Variants in C8orf34 observed in about 807,000 individuals in gnomAD.
The protein encoded by C8orf34 is chromosome 8 open reading frame 34.
C8orf34 carries 65 observed loss-of-function variants against 68.3 expected under a neutral mutation model. The ratio of observed to expected loss-of-function variants is 0.95; its 90% CI spans 0.78 to 1.17. The LOEUF (loss-of-function observed/expected upper bound fraction) is 1.17, where lower values mean the gene tolerates loss of function less well. C8orf34 is among the 50% of genes most tolerant of loss of function. The pLI is 0.00. For synonymous variants in C8orf34, 244 were observed against 241.2 expected (o/e 1.01, Z -0.11); for missense variants, 664 against 655.4 (o/e 1.01, Z -0.14).
chr8:68,447,743 AG>A, intron 3 of C8orf34: 1 of 152,362 alleles, frequency 6.6e-6, no homozygotes, highest in South Asian at 2.1e-4. Flanking sequence ...ACTCATAAAA[AG>A]TATTGCATTA....
chr8:68,397,998 G>A (rs1808791547), intron 1 of C8orf34, among the ~76,000 whole-genome samples: 1 of 151,980 alleles, frequency 6.6e-6, no homozygotes, highest in Non-Finnish European at 1.5e-5. Context: ...CGAACTCCTG[G>A]CCTTAAGAGA....
At chr8:68,486,842 T>G (rs890617970) in intron 4 of C8orf34, among the ~76,000 whole-genome samples, 12 of 152,196 alleles carry the variant, frequency 7.9e-5, no homozygotes, top group Non-Finnish European at 1.3e-4. Flanking sequence ...CTTCAATTCC[T>G]ATTCTTATTT....
intron 1 of C8orf34, among the ~76,000 whole-genome samples, chr8:68,347,431 G>A (rs942505909): frequency 3.3e-5 from 5 of 152,012 alleles, no homozygotes; most frequent in South Asian, 2.1e-4. Context: ...ACATTCTTGT[G>A]TATGTGTCTT....
Position 68,367,907 on chromosome 8 carries a change from G to GAAAAAAAAA in C8orf34, c.327+36572_327+36573insAAAAAAAAA, listed in dbSNP as rs1807360133. Among the ~76,000 whole-genome samples the GAAAAAAAAA allele has an allele frequency of 3.7e-3, 55 of 15,010 alleles. 1 individual carries two copies. Among genetic ancestry groups the GAAAAAAAAA allele is most frequent in the Middle Eastern group, 0.028 (1 of 36 alleles). The allele number at this position is 15,010 out of a possible 152,430, so 9.8% of individuals were successfully genotyped here. On this transcript the variant is annotated intron_variant, in intron 1 of 13. Coordinates refer to ENST00000518698, the MANE Select transcript of C8orf34 (RefSeq NM_052958.4). ...TAAAACCTAAAGTATAATAAAAAAA[G>GAAAAAAAAA]AAAAGAAAAAAAAAAAAAAAAAAAA...
chr8:68,651,798 T>C (rs1819367572), intron 8 of C8orf34, among the ~76,000 whole-genome samples: 1 of 152,122 alleles, frequency 6.6e-6, no homozygotes, highest in South Asian at 2.1e-4. Context: ...ACCTATTGGG[T>C]ACAATAGTCA....
At chr8:68,604,804 G>C (rs752421201) in intron 7 of C8orf34, among the ~76,000 whole-genome samples, 1 of 151,918 alleles carries the variant, frequency 6.6e-6, no homozygotes, top group Non-Finnish European at 1.5e-5. Context: ...TGGTGATAAC[G>C]TTTTGATACA....
intron 5 of C8orf34, among the ~76,000 whole-genome samples, chr8:68,490,461 G>T (rs754532247): frequency 6.6e-6 from 1 of 152,072 alleles, no homozygotes; most frequent in East Asian, 1.9e-4. Flanking sequence ...ACCCAGTTAA[G>T]TGTCAGCCTC....
At chr8:68,797,444 G>C (rs1315849963) in intron 12 of C8orf34, among the ~76,000 whole-genome samples, 1 of 152,074 alleles carries the variant, frequency 6.6e-6, no homozygotes, top group African/African-American at 2.4e-5. Context: ...GAGTGACACA[G>C]TTGATGCTAT....
At chr8:68,724,205 C>A (rs987098807) in intron 10 of C8orf34, among the ~76,000 whole-genome samples, 1 of 151,964 alleles carries the variant, frequency 6.6e-6, no homozygotes, top group African/African-American at 2.4e-5. Flanking sequence ...TGTAGTATTT[C>A]TTGGGATAGT....
At chr8:68,654,076 A>G (rs1232558071) in intron 8 of C8orf34, among the ~76,000 whole-genome samples, 19 of 152,144 alleles carry the variant, frequency 1.2e-4, no homozygotes. Context: ...ATTAATTTCT[A>G]ATAATTTTGA....
intron 5 of C8orf34, among the ~76,000 whole-genome samples, chr8:68,491,548 A>G (rs1319797316): frequency 6.6e-6 from 1 of 152,138 alleles, no homozygotes; most frequent in Non-Finnish European, 1.5e-5. Flanking sequence ...CTTTAAAACC[A>G]GCAACATCTC....
chr8:68,330,995 A>C lies in C8orf34; in HGVS notation c.-18A>C. 9 of 1,388,538 alleles carry C rather than the reference A, an allele frequency of 6.5e-6. No individual in the cohort carries two copies. The highest frequency in any genetic ancestry group is 8.3e-6 in the Non-Finnish European group (9 of 1,081,402). 86.0% of individuals were successfully genotyped at this position (1,388,538 alleles called of 1,614,324 possible). ...GCGGAGAGCGGCGAGGGTGGGCGCG[A>C]GGCGGAGAACGCGATGAATGAGTTC... On this transcript the variant is annotated 5_prime_UTR_variant, in exon 1 of 14. Transcript: ENST00000518698.
intron 7 of C8orf34, among the ~76,000 whole-genome samples, chr8:68,557,355 T>G (rs191281599): frequency 5.9e-5 from 9 of 152,310 alleles, no homozygotes; most frequent in African/African-American, 2.2e-4. Context: ...GGAAAACTGA[T>G]CCTAAACTTG....
chr8:68,473,637 G>T (rs1812474908), intron 4 of C8orf34, among the ~76,000 whole-genome samples: 1 of 152,082 alleles, frequency 6.6e-6, no homozygotes, highest in Non-Finnish European at 1.5e-5. Flanking sequence ...TTCATTAAAA[G>T]GAAAACCTTA....
chr8:68,697,821 A>T (rs930415133), intron 8 of C8orf34, among the ~76,000 whole-genome samples: 1 of 152,112 alleles, frequency 6.6e-6, no homozygotes, highest in Non-Finnish European at 1.5e-5. Flanking sequence ...TGATCCCTGC[A>T]TGGCATGATC....
At chr8:68,551,914 G>A (rs1402653614) in intron 7 of C8orf34, among the ~76,000 whole-genome samples, 1 of 152,072 alleles carries the variant, frequency 6.6e-6, no homozygotes, top group African/African-American at 2.4e-5. Context: ...TGTGAAATAT[G>A]AATCCAATTT....
In C8orf34 at chr8:68,331,782, TC is replaced by T. The variant is rs1468126087; in HGVS notation, c.327+444del. 9.3e-4 allele frequency among the ~76,000 whole-genome samples: 99 copies of T among 106,320 alleles called. 1 individual carries two copies. Among genetic ancestry groups the T allele is most frequent in the African/African-American group, 1.5e-3 (42 of 27,520 alleles). The allele number at this position is 106,320 out of a possible 152,430, so 69.8% of individuals were successfully genotyped here. ...TCTTTTTTCTTTTCTTTTCTTTCCT[TC>T]TTTTTTTTTTTTTTTTTTTTTTTTT... is the stretch of plus-strand genomic sequence containing the variant. On this transcript the variant is annotated intron_variant, in intron 1 of 13. Transcript: ENST00000518698.
chr8:68,682,929 G>T (rs149563348), intron 8 of C8orf34, among the ~76,000 whole-genome samples: 1 of 151,918 alleles, frequency 6.6e-6, no homozygotes, highest in Non-Finnish European at 1.5e-5. Context: ...TGTTTCGCGC[G>T]GCTGTACTTG....
intron 7 of C8orf34, among the ~76,000 whole-genome samples, chr8:68,615,493 G>A (rs1818177989): frequency 6.6e-6 from 1 of 152,110 alleles, no homozygotes; most frequent in Non-Finnish European, 1.5e-5. Flanking sequence ...AGAGTTTTTA[G>A]CATGAAGGGT....
Sources: gnomAD v4.1 joint callset for allele counts (sites outside exome capture counted in the v4.1 genomes callset) on GRCh38, gnomAD v4.1.1 for gene constraint, MANE v1.5 for transcripts, NCBI Gene and HGNC (gene_info 2026-07-23, HGNC 2026-07-21) for gene names.